The following NFE2L3 variants were observed in gnomAD, a reference collection of about 807,000 sequenced individuals.
The protein encoded by NFE2L3 is nuclear factor erythroid 2-related factor 3.
Under a neutral mutation model 23.5 loss-of-function variants are expected in NFE2L3, and 18 were observed. The observed-to-expected ratio is 0.77, with a 90% CI of 0.53 to 1.13. NFE2L3 has a LOEUF of 1.13. Among genes scored for constraint, NFE2L3 ranks in the 50% most tolerant of loss-of-function variants. The pLI is 0.00. For synonymous variants in NFE2L3, 424 were observed against 354.5 expected, an observed-to-expected ratio of 1.20 and a Z score of -2.20; for missense variants, 1,152 against 877.2, an observed-to-expected ratio of 1.31 and a Z score of -3.96.
chr7:26,175,851 TTC>T (rs1454077804), intron 1 of NFE2L3, among the ~76,000 whole-genome samples: 2 of 141,474 alleles, frequency 1.4e-5, no homozygotes, highest in Non-Finnish European at 3.0e-5. Context: ...CAATTTTCTT[TTC>T]TTTTTTTTTT....
intron 2 of NFE2L3, among the ~76,000 whole-genome samples, chr7:26,182,826 C>T (rs890085639): frequency 1.3e-5 from 2 of 152,156 alleles, no homozygotes; most frequent in Admixed American, 1.3e-4. Flanking sequence ...GAGACGAGAT[C>T]TCATTCTGTT....
Position 26,185,344 on chromosome 7 carries a change from T to C in NFE2L3, c.1646T>C (p.Phe549Ser). ...CGTGCTAAAGCTTTGCATATCCCTT[T>C]TTCTGTAGATGAAATTGTCGGCATG... ...EQRAKALHIPFSVDEIVGMPV... is the reference protein window; with the variant it reads ...EQRAKALHIPSSVDEIVGMPV... The change falls in exon 4 of 4, where the codon TTT becomes TCT. Residue 549 changes from phenylalanine to serine, a missense_variant. Transcript: ENST00000056233. 1 of 1,614,150 alleles carries C rather than the reference T, an allele frequency of 6.2e-7. No individual in the cohort carries two copies. Among genetic ancestry groups the C allele is most frequent in the African/African-American group, 1.3e-5 (1 of 75,052 alleles).
intron 1 of NFE2L3, among the ~76,000 whole-genome samples, chr7:26,177,410 A>G (rs994399402): frequency 6.8e-4 from 103 of 152,362 alleles, no homozygotes; most frequent in African/African-American, 2.4e-3. Context: ...CAGCCTGGCC[A>G]ACACGGCGAA....
chr7:26,158,616 A>G (rs1269469722), intron 1 of NFE2L3, among the ~76,000 whole-genome samples: 1 of 152,206 alleles, frequency 6.6e-6, no homozygotes, highest in Non-Finnish European at 1.5e-5. Context: ...ATCTTTTTCC[A>G]GTCAGTATTT....
chr7:26,175,146 A>G (rs1387149838), intron 1 of NFE2L3, among the ~76,000 whole-genome samples: 1 of 149,110 alleles, frequency 6.7e-6, no homozygotes, highest in Non-Finnish European at 1.5e-5. Flanking sequence ...GGAGATTGAG[A>G]CCATCCTGGC....
intron 3 of NFE2L3, 175 bp from the exon 4 acceptor site, chr7:26,184,358 G>T (rs555928865): frequency 1.7e-6 from 1 of 572,324 alleles, no homozygotes. Flanking sequence ...TTCTGATTTG[G>T]ACTCACATCT....
chr7:26,185,568 C>G lies in NFE2L3; in HGVS notation c.1870C>G (p.Gln624Glu). The change falls in exon 4 of 4, where the codon CAA becomes GAA. Residue 624 changes from glutamine to glutamate, a missense_variant. Physicochemically the swap from Gln to Glu is conservative, Grantham distance 29 (BLOSUM62 2). Transcript: ENST00000056233. ...QAKKETLKREQAQCNKAINIM... is the reference protein window; with the variant it reads ...QAKKETLKREEAQCNKAINIM... ...AAAGAAGGAAACTCTTAAGAGAGAG[C>G]AAGCACAATGTAACAAAGCTATTAA... The G allele has an allele frequency of 1.9e-6, 3 of 1,613,672 alleles. No homozygotes were observed.
chr7:26,185,454 G>A lies in NFE2L3; in HGVS notation c.1756G>A (p.Gly586Arg), dbSNP rs1583942846. Residue 586 changes from glycine to arginine, a missense_variant, in exon 4 of 4, where the codon GGG (glycine) becomes AGG (arginine). Gly to Arg is a moderately radical substitution (Grantham distance 125). Transcript: ENST00000056233. ...ACTTATCCGTGACATCAGACGAAGA[G>A]GGAAAAATAAAGTTGCTGCGCAGAA... is the stretch of plus-strand genomic sequence containing the variant. Reference protein sequence around the residue: ...VSLIRDIRRRGKNKVAAQNCR... With the variant: ...VSLIRDIRRRRKNKVAAQNCR... The A allele has an allele frequency of 9.3e-6, 15 of 1,614,030 alleles. No homozygotes were observed. Among genetic ancestry groups the A allele is most frequent in the African/African-American group, 1.3e-5 (1 of 75,046 alleles).
chr7:26,181,317 T>G (rs1784504510), intron 2 of NFE2L3, among the ~76,000 whole-genome samples: 1 of 152,190 alleles, frequency 6.6e-6, no homozygotes, highest in Non-Finnish European at 1.5e-5. Flanking sequence ...TTCTGTTCTT[T>G]TATTGGGCTA....
chr7:26,161,740 A>G (rs1784176605), intron 1 of NFE2L3, among the ~76,000 whole-genome samples: 1 of 152,136 alleles, frequency 6.6e-6, no homozygotes, highest in Admixed American at 6.6e-5. Context: ...TTTCTAATAT[A>G]TTCTAAAGAA....
At chr7:26,176,640 G>A (rs377305862) in intron 1 of NFE2L3, among the ~76,000 whole-genome samples, 1 of 85,996 alleles carries the variant, frequency 1.2e-5, no homozygotes. Flanking sequence ...GGGCAGAGGC[G>A]CTCCTCACAT....
Position 26,184,606 on chromosome 7 carries a change from T to TA in NFE2L3, c.911dup (p.Asn304LysfsTer14). 6.2e-7 allele frequency: 1 copy of TA among 1,613,926 alleles called. No individual in the cohort carries two copies. The highest frequency in any genetic ancestry group is 1.7e-5 in the Admixed American group (1 of 60,022). On this transcript the variant is annotated frameshift_variant, in exon 4 of 4. Transcript: ENST00000056233. LOFTEE classifies it low-confidence loss of function (END_TRUNC). ...ATGAATTCTTCAGCACATTATCATGTAAACTTCAGCCAGGCTATAAGTCAG... is the reference window on the plus strand; with the variant it reads ...ATGAATTCTTCAGCACATTATCATGTAAAACTTCAGCCAGGCTATAAGTCAG...
intron 1 of NFE2L3, among the ~76,000 whole-genome samples, chr7:26,177,605 G>T (rs921889862): frequency 6.6e-6 from 1 of 152,174 alleles, no homozygotes; most frequent in African/African-American, 2.4e-5. Flanking sequence ...AAGGAGGGAA[G>T]GAGGGAGGAA....
At chr7:26,180,232 T>C (rs927988936) in intron 2 of NFE2L3, among the ~76,000 whole-genome samples, 3 of 152,196 alleles carry the variant, frequency 2.0e-5, no homozygotes, top group Non-Finnish European at 4.4e-5. Flanking sequence ...GAGGCCCTTT[T>C]TGACATTCTT....
At chr7:26,153,627 A>C (rs1287161598) in intron 1 of NFE2L3, among the ~76,000 whole-genome samples, 1 of 152,218 alleles carries the variant, frequency 6.6e-6, no homozygotes, top group East Asian at 1.9e-4. Flanking sequence ...CCTGTGACCT[A>C]ACCATCCCCT....
At chr7:26,179,154 T>C (rs938286104) in intron 2 of NFE2L3, among the ~76,000 whole-genome samples, 2 of 142,868 alleles carry the variant, frequency 1.4e-5, no homozygotes, top group African/African-American at 5.6e-5. Context: ...TCCCATAAAT[T>C]CTAGATACTA....
At position 26,184,917 on chromosome 7, in the gene NFE2L3, GAT is replaced by G; in HGVS notation, c.1220_1221del (p.Asp407GlyfsTer6). 6.2e-7 allele frequency: 1 copy of G among 1,613,864 alleles called. No homozygotes were observed. Among genetic ancestry groups the G allele is most frequent in the Non-Finnish European group, 8.5e-7 (1 of 1,179,846 alleles). Reference sequence around the variant, plus strand: ...CACAGAAGACAACTTTGATCCAATCGATGTTTCTCAGCTTTTTGATGAACCAG... The same window carrying G: ...CACAGAAGACAACTTTGATCCAATCGGTTTCTCAGCTTTTTGATGAACCAG... Reference protein sequence around the residue: ...LATEDNFDPIDVSQLFDEPDS... With the variant: ...LATEDNFDPIXVSQLFDEPDS... On this transcript the variant is annotated frameshift_variant, in exon 4 of 4. Coordinates refer to ENST00000056233, the MANE Select transcript of NFE2L3 (RefSeq NM_004289.7). LOFTEE classifies it low-confidence loss of function (END_TRUNC).
chr7:26,179,600 G>A (rs1375865912), intron 2 of NFE2L3, among the ~76,000 whole-genome samples: 1 of 152,056 alleles, frequency 6.6e-6, no homozygotes, highest in Non-Finnish European at 1.5e-5. Context: ...CAGCTGTTTG[G>A]CAGGCTGAGG....
intron 1 of NFE2L3, among the ~76,000 whole-genome samples, chr7:26,166,079 T>C (rs1173669177): frequency 6.6e-6 from 1 of 151,378 alleles, no homozygotes; most frequent in Admixed American, 6.6e-5. Flanking sequence ...TGCAGTCAGC[T>C]TCTGCCAGCA....
Sources: gnomAD v4.1 joint callset for allele counts (sites outside exome capture counted in the v4.1 genomes callset) on GRCh38, gnomAD v4.1.1 for gene constraint, MANE v1.5 for transcripts, NCBI Gene and HGNC (gene_info 2026-07-23, HGNC 2026-07-21) for gene names.